TSC22D1: variants seen among roughly 807,000 people sequenced by gnomAD.
The protein encoded by TSC22D1 is TSC22 domain family member 1, also known as TSC22 domain family protein 1.
TSC22D1 carries 9 observed loss-of-function variants against 74.2 expected under a neutral mutation model. The ratio of observed to expected loss-of-function variants is 0.12; its 90% CI spans 0.07 to 0.21. The LOEUF is 0.21. Among genes scored for constraint, TSC22D1 ranks in the 10% least tolerant of loss-of-function variants. The pLI, the probability that TSC22D1 is intolerant of heterozygous loss-of-function variation, is 1.00. For missense variants in TSC22D1, 1,427 were observed against 1,304.7 expected, an observed-to-expected ratio of 1.09 and a Z score of -1.44; for synonymous variants, 586 against 492.5, an observed-to-expected ratio of 1.19 and a Z score of -2.51.
chr13:44,495,599 T>C (rs1878936988), intron 1 of TSC22D1, among the ~76,000 whole-genome samples: 1 of 152,130 alleles, frequency 6.6e-6, no homozygotes, highest in Non-Finnish European at 1.5e-5. Context: ...ACAATAATCA[T>C]AAATCTGTTG....
intron 1 of TSC22D1, among the ~76,000 whole-genome samples, chr13:44,517,384 T>C (rs1331924548): frequency 2.7e-5 from 4 of 149,604 alleles, no homozygotes; most frequent in East Asian, 3.9e-4. Context: ...CTCACAAAAA[T>C]TGGGTAAAGA....
chr13:44,492,784 T>C (rs529918014), intron 1 of TSC22D1, among the ~76,000 whole-genome samples: 67 of 152,326 alleles, frequency 4.4e-4, no homozygotes, highest in African/African-American at 1.5e-3. Context: ...AGGGGTTTTT[T>C]TTCCTAATAA....
chr13:44,573,291 G>A lies in TSC22D1; in HGVS notation c.2784C>T (p.Ile928=), dbSNP rs775011161. 2.5e-6 allele frequency: 4 copies of A among 1,614,224 alleles called. No homozygotes were observed. The highest frequency in any genetic ancestry group is 3.4e-6 in the Non-Finnish European group (4 of 1,180,042). ...EPSLVGLPQT[I]SGDSGGMSAV... ...CTGACATTCCCCCACTGTCACCACTGATAGTCTGAGGTAAGCCAACTAAGG... is the reference window on the plus strand; with the variant it reads ...CTGACATTCCCCCACTGTCACCACTAATAGTCTGAGGTAAGCCAACTAAGG... Residue 928 remains isoleucine (I), a synonymous_variant, in exon 1 of 3, where the codon ATC becomes ATT. Coordinates refer to ENST00000458659, the MANE Select transcript of TSC22D1 (RefSeq NM_183422.4).
chr13:44,494,151 G>A (rs1002648351), intron 1 of TSC22D1, among the ~76,000 whole-genome samples: 3 of 151,798 alleles, frequency 2.0e-5, no homozygotes, highest in African/African-American at 7.3e-5. Context: ...CAAGGCAGGC[G>A]GATCACTTGA....
At chr13:44,542,336 C>T (rs1881522740) in intron 1 of TSC22D1, among the ~76,000 whole-genome samples, 1 of 151,964 alleles carries the variant, frequency 6.6e-6, no homozygotes, top group East Asian at 1.9e-4. Context: ...AAACAACTCA[C>T]AAAAAACCAG....
chr13:44,553,280 T>G (rs1269520932), intron 1 of TSC22D1, among the ~76,000 whole-genome samples: 1 of 152,142 alleles, frequency 6.6e-6, no homozygotes, highest in Non-Finnish European at 1.5e-5. Context: ...TAAACTAAAA[T>G]GTAATGTCAA....
intron 1 of TSC22D1, among the ~76,000 whole-genome samples, chr13:44,465,055 G>GTGT (rs1383606220): frequency 2.6e-5 from 4 of 152,262 alleles, no homozygotes; most frequent in South Asian, 2.1e-4. Flanking sequence ...GACCCCCACC[G>GTGT]TGTTTTCTTC....
chr13:44,538,731 G>A, intron 1 of TSC22D1: 1 of 985,358 alleles, frequency 1.0e-6, no homozygotes, highest in Non-Finnish European at 1.2e-6. Flanking sequence ...CAGGTGGCTG[G>A]CTCATCCTTG....
chr13:44,455,645 G>A (rs888893780), intron 1 of TSC22D1, among the ~76,000 whole-genome samples: 1 of 152,134 alleles, frequency 6.6e-6, no homozygotes, highest in Non-Finnish European at 1.5e-5. Flanking sequence ...CAAAATTTAA[G>A]CACTAGATAT....
intron 1 of TSC22D1, among the ~76,000 whole-genome samples, chr13:44,496,983 C>T (rs1031919866): frequency 5.3e-5 from 8 of 151,902 alleles, no homozygotes; most frequent in Admixed American, 1.3e-4. Context: ...AGTGGTATAG[C>T]TGCTGTGCTA....
At chr13:44,468,222 A>C (rs1877405257) in intron 1 of TSC22D1, among the ~76,000 whole-genome samples, 1 of 152,154 alleles carries the variant, frequency 6.6e-6, no homozygotes, top group South Asian at 2.1e-4. Flanking sequence ...GAGACTCAGA[A>C]GTGGGGTAGG....
chr13:44,445,216 T>TACACACACACACACACAC (rs55714213), intron 1 of TSC22D1, among the ~76,000 whole-genome samples: 3 of 144,676 alleles, frequency 2.1e-5, no homozygotes, highest in Non-Finnish European at 4.6e-5. Flanking sequence ...AGGTCAAAGA[T>TACACACACACACACACAC]ACACACACAC....
At chr13:44,512,812 G>A (rs1879799452) in intron 1 of TSC22D1, among the ~76,000 whole-genome samples, 1 of 152,016 alleles carries the variant, frequency 6.6e-6, no homozygotes, top group Non-Finnish European at 1.5e-5. Flanking sequence ...ATCACGCCCA[G>A]CTAATTATTG....
rs192163520 is a variant in TSC22D1 at position 44,567,752 on chromosome 13, T to G, written c.2912+5411A>C. ...GGTCCGTTATCCAAATAAGAGGAGT[T>G]TAAGAGAGAAAAAATAGAAAGACAT... is the stretch of plus-strand genomic sequence containing the variant. On this transcript the variant is annotated intron_variant, in intron 1 of 2. Transcript: ENST00000458659. Among the ~76,000 whole-genome samples the G allele has an allele frequency of 9.9e-4, 150 of 151,790 alleles. 1 individual carries two copies. The highest frequency in any genetic ancestry group is 3.9e-3 in the Admixed American group (60 of 15,242).
rs1291439186 is a variant in TSC22D1 at position 44,574,647 on chromosome 13, T to A, written c.1428A>T (p.Thr476=). ...CCACACTCTCTGTATAGTGACTCAG[T>A]GTGCTGACACTACTGCTCACTGAAC... is the stretch of plus-strand genomic sequence containing the variant. ...SGSSVSSSVS[T]LSHYTESVGS... The change falls in exon 1 of 3, where the codon ACA becomes ACT. Residue 476 remains threonine, a synonymous_variant. Coordinates refer to ENST00000458659, the MANE Select transcript of TSC22D1 (RefSeq NM_183422.4). The A allele has an allele frequency of 6.2e-7, 1 of 1,614,140 alleles. No individual in the cohort carries two copies.
intron 1 of TSC22D1, among the ~76,000 whole-genome samples, chr13:44,497,642 T>C (rs1204829914): frequency 6.6e-6 from 1 of 152,196 alleles, no homozygotes; most frequent in Non-Finnish European, 1.5e-5. Flanking sequence ...TTTTCCATCA[T>C]CACTTACACC....
At chr13:44,537,432 T>C in intron 1 of TSC22D1, 1 of 985,072 alleles carries the variant, frequency 1.0e-6, no homozygotes, top group Non-Finnish European at 1.2e-6. Context: ...AAGCATGAGA[T>C]TAAGAGATTA....
At position 44,574,786 on chromosome 13, in the gene TSC22D1, T is replaced by C; in HGVS notation, c.1289A>G (p.Tyr430Cys). 2 of 1,614,130 alleles carry C rather than the reference T, an allele frequency of 1.2e-6. No individual in the cohort carries two copies. The highest frequency in any genetic ancestry group is 1.7e-6 in the Non-Finnish European group (2 of 1,180,032). ...AGCAGGTACAGCATTTTCTTTTTCA[T>C]AGAACTCAGTGCAAGTCCATCTACC... ...KKGRWTCTEF[Y>C]EKENAVPATE... The change falls in exon 1 of 3, where the codon TAT (tyrosine) becomes TGT (cysteine). Residue 430 changes from tyrosine to cysteine, a missense_variant. By Grantham distance (194) the Tyr-to-Cys change is radical (BLOSUM62 -2). Transcript: ENST00000458659.
intron 1 of TSC22D1, among the ~76,000 whole-genome samples, chr13:44,444,980 A>C (rs1875519213): frequency 6.6e-6 from 1 of 152,150 alleles, no homozygotes; most frequent in African/African-American, 2.4e-5. Flanking sequence ...AATTCCACTA[A>C]ATATTTAAAG....
Sources: gnomAD v4.1 joint callset for allele counts (sites outside exome capture counted in the v4.1 genomes callset) on GRCh38, gnomAD v4.1.1 for gene constraint, MANE v1.5 for transcripts, NCBI Gene and HGNC (gene_info 2026-07-23, HGNC 2026-07-21) for gene names.